SEMA3C: variants seen among roughly 807,000 people sequenced by gnomAD.
The protein encoded by SEMA3C is semaphorin 3C.
A neutral mutation model predicts 89.4 loss-of-function variants in SEMA3C; 47 were observed. The ratio of observed to expected loss-of-function variants is 0.53; its 90% CI spans 0.42 to 0.67. The LOEUF is 0.67. Among genes scored for constraint, SEMA3C ranks in the 30% least tolerant of loss-of-function variants. The probability of loss-of-function intolerance (pLI) is 0.00; values close to 1 mark genes in which losing one functional copy is unlikely to be tolerated. For missense variants in SEMA3C, 839 were observed against 929.1 expected (o/e 0.90, Z 1.26); for synonymous variants, 310 against 320.2 (o/e 0.97, Z 0.34).
chr7:80,761,011 T>G (rs1426118732), intron 14 of SEMA3C, among the ~76,000 whole-genome samples: 2 of 152,230 alleles, frequency 1.3e-5, no homozygotes, highest in African/African-American at 4.8e-5. Flanking sequence ...ATTTCAATGA[T>G]CATTGTATAT....
intron 13 of SEMA3C, among the ~76,000 whole-genome samples, chr7:80,761,971 C>A (rs1788194258): frequency 6.6e-6 from 1 of 151,442 alleles, no homozygotes; most frequent in Non-Finnish European, 1.5e-5. Context: ...CACCTGTAAT[C>A]CCAGCTACTC....
upstream of SEMA3C, among the ~76,000 whole-genome samples, chr7:80,919,558 C>CG (rs999777664): frequency 6.0e-5 from 5 of 83,952 alleles, no homozygotes; most frequent in Non-Finnish European, 9.8e-5. Context: ...TATTCTGCTG[C>CG]GTTTTTTTTT....
At chr7:80,793,232 A>T (rs1788984769) in intron 11 of SEMA3C, 2 of 184,994 alleles carry the variant, frequency 1.1e-5, no homozygotes, top group Non-Finnish European at 2.3e-5. Flanking sequence ...TAGGAACAAT[A>T]AGAATGCCAT....
At chr7:80,858,537 C>T (rs376976779) in intron 2 of SEMA3C, among the ~76,000 whole-genome samples, 10 of 152,088 alleles carry the variant, frequency 6.6e-5, no homozygotes, top group Admixed American at 2.0e-4. Flanking sequence ...AAACCACAGA[C>T]ATTTTGAGGA....
intron 2 of SEMA3C, among the ~76,000 whole-genome samples, chr7:80,888,418 G>A (rs2116135864): frequency 6.6e-6 from 1 of 152,142 alleles, no homozygotes; most frequent in East Asian, 1.9e-4. Context: ...GAGCTGAGAT[G>A]ACATCACTGC....
intron 2 of SEMA3C, among the ~76,000 whole-genome samples, chr7:80,893,483 T>A (rs1791663764): frequency 2.0e-5 from 3 of 152,188 alleles, no homozygotes; most frequent in South Asian, 4.1e-4. Flanking sequence ...CCTTCAACAC[T>A]GATTGCTAAT....
At chr7:80,890,416 A>C (rs1234930488) in intron 2 of SEMA3C, among the ~76,000 whole-genome samples, 5 of 152,186 alleles carry the variant, frequency 3.3e-5, no homozygotes, top group Admixed American at 3.3e-4. Context: ...AGAAAAATAA[A>C]AATATATTCA....
chr7:80,856,100 A>C (rs564270772), intron 2 of SEMA3C, among the ~76,000 whole-genome samples: 2 of 152,140 alleles, frequency 1.3e-5, no homozygotes, highest in Non-Finnish European at 1.5e-5. Context: ...CATAGTTATC[A>C]AATTTTTTGG....
chr7:80,832,762 C>G (rs574586780), intron 2 of SEMA3C, among the ~76,000 whole-genome samples: 4 of 152,124 alleles, frequency 2.6e-5, no homozygotes, highest in African/African-American at 9.7e-5. Context: ...TTTAAGAAAT[C>G]ATTGAGTTAC....
intron 4 of SEMA3C, among the ~76,000 whole-genome samples, chr7:80,824,204 C>A (rs1789819237): frequency 6.6e-6 from 1 of 152,114 alleles, no homozygotes; most frequent in South Asian, 2.1e-4. Context: ...TAATTGCTAA[C>A]ACTTTATGTT....
chr7:80,828,467 T>C (rs1217251071), intron 3 of SEMA3C, 118 bp downstream of exon 3: 8 of 780,404 alleles, frequency 1.0e-5, no homozygotes, highest in Non-Finnish European at 1.5e-5. Context: ...CATAGTAACA[T>C]GGGACCAGTA....
At chr7:80,779,878 G>C (rs1443650048) in intron 12 of SEMA3C, among the ~76,000 whole-genome samples, 1 of 152,194 alleles carries the variant, frequency 6.6e-6, no homozygotes, top group Non-Finnish European at 1.5e-5. Context: ...ACATTTTAAA[G>C]AGCCAATGAG....
At chr7:80,909,943 T>C (rs2116233322) in intron 2 of SEMA3C, among the ~76,000 whole-genome samples, 1 of 152,316 alleles carries the variant, frequency 6.6e-6, no homozygotes, top group South Asian at 2.1e-4. Flanking sequence ...AATCAGCAGT[T>C]AATTAAAAAT....
intron 2 of SEMA3C, among the ~76,000 whole-genome samples, chr7:80,843,362 ACT>A (rs1460271349): frequency 6.6e-6 from 1 of 151,348 alleles, no homozygotes; most frequent in African/African-American, 2.4e-5. Context: ...TTAAAATGAG[ACT>A]CTTTTTCTTT....
chr7:80,809,293 A>T (rs1446625077), intron 6 of SEMA3C, among the ~76,000 whole-genome samples: 2 of 152,190 alleles, frequency 1.3e-5, no homozygotes, highest in Non-Finnish European at 2.9e-5. Context: ...TAGACAATCC[A>T]CAGAGAATGA....
chr7:80,805,505 G>C (rs552495403), intron 7 of SEMA3C, 134 bp downstream of exon 7: 2 of 585,842 alleles, frequency 3.4e-6, no homozygotes, highest in Non-Finnish European at 2.7e-6. Flanking sequence ...TAAATCATAG[G>C]GTACAGAATT....
At chr7:80,917,973 G>A (rs1222829207) in intron 1 of SEMA3C, among the ~76,000 whole-genome samples, 1 of 152,182 alleles carries the variant, frequency 6.6e-6, no homozygotes, top group East Asian at 1.9e-4. Context: ...AGATTTCCTA[G>A]GTGGTGCATA....
intron 2 of SEMA3C, among the ~76,000 whole-genome samples, chr7:80,885,893 AATCTAACTGTCTTGTC>A (rs2116123367): frequency 6.6e-6 from 1 of 152,288 alleles, no homozygotes; most frequent in Non-Finnish European, 1.5e-5. Context: ...GCAGTCCTTT[AATCTAACTGTCTTGTC>A]ATCGCACAGT....
chr7:80,783,901 T>C (rs572652291), intron 12 of SEMA3C, among the ~76,000 whole-genome samples: 1 of 152,274 alleles, frequency 6.6e-6, no homozygotes, highest in Non-Finnish European at 1.5e-5. Context: ...CAGTATACAC[T>C]ATATAAGAAT....
Sources: gnomAD v4.1 joint callset for allele counts (sites outside exome capture counted in the v4.1 genomes callset) on GRCh38, gnomAD v4.1.1 for gene constraint, MANE v1.5 for transcripts, NCBI Gene and HGNC (gene_info 2026-07-23, HGNC 2026-07-21) for gene names.